Variants in PPP1R9A observed in about 807,000 individuals in gnomAD.
PPP1R9A encodes neurabin-1.
In PPP1R9A, 59 loss-of-function variants were observed where a neutral mutation model predicts 141.9. The observed-to-expected ratio is 0.42, with a 90% CI of 0.34 to 0.52. PPP1R9A has a LOEUF of 0.52. Among genes scored for constraint, PPP1R9A ranks in the 20% least tolerant of loss-of-function variants. The pLI is 0.10. For synonymous variants in PPP1R9A, 500 were observed against 569.7 expected, an observed-to-expected ratio of 0.88 and a Z score of 1.74; for missense variants, 1,444 against 1,611.9, an observed-to-expected ratio of 0.90 and a Z score of 1.78.
chr7:95,029,664 A>G (rs1807384063), intron 2 of PPP1R9A, among the ~76,000 whole-genome samples: 1 of 152,196 alleles, frequency 6.6e-6, no homozygotes, highest in Non-Finnish European at 1.5e-5. Context: ...ATATCATGCT[A>G]CTGCTGGAAT....
intron 12 of PPP1R9A, among the ~76,000 whole-genome samples, chr7:95,256,191 C>CA (rs369030873): frequency 0.019 from 2,570 of 135,238 alleles, 47 homozygotes; most frequent in Admixed American, 0.051. Context: ...GATCCTGTCT[C>CA]AAAAAAAAAA....
At chr7:95,191,436 A>G (rs1026541388) in intron 5 of PPP1R9A, among the ~76,000 whole-genome samples, 6 of 152,186 alleles carry the variant, frequency 3.9e-5, no homozygotes, top group South Asian at 2.1e-4. Flanking sequence ...TAGCATATCT[A>G]TGATCTCAAA....
chr7:94,940,795 C>T (rs1336716233), intron 2 of PPP1R9A, among the ~76,000 whole-genome samples: 1 of 151,902 alleles, frequency 6.6e-6, no homozygotes, highest in Admixed American at 6.6e-5. Context: ...TGGAAACAAT[C>T]TTATTTTATT....
intron 1 of PPP1R9A, among the ~76,000 whole-genome samples, chr7:94,909,656 GT>G (rs1296366553): frequency 6.7e-6 from 1 of 149,388 alleles, no homozygotes; most frequent in Non-Finnish European, 1.5e-5. Context: ...GTGTGTATGT[GT>G]TTGTGTGTGT....
At chr7:95,095,892 T>TA (rs1817947984) in intron 2 of PPP1R9A, among the ~76,000 whole-genome samples, 1 of 152,206 alleles carries the variant, frequency 6.6e-6, no homozygotes, top group South Asian at 2.1e-4. Flanking sequence ...TCCCACCATG[T>TA]GATGTCTGGC....
At chr7:95,124,430 A>G (rs995354315) in intron 4 of PPP1R9A, among the ~76,000 whole-genome samples, 1 of 152,242 alleles carries the variant, frequency 6.6e-6, no homozygotes, top group Non-Finnish European at 1.5e-5. Flanking sequence ...CCTAAAATTA[A>G]TATATACAAA....
chr7:95,025,943 T>C (rs1039655574), intron 2 of PPP1R9A, among the ~76,000 whole-genome samples: 1 of 152,240 alleles, frequency 6.6e-6, no homozygotes, highest in African/African-American at 2.4e-5. Context: ...TATGTTCTTC[T>C]CTAAACTGGT....
chr7:95,061,026 G>A (rs957654449), intron 2 of PPP1R9A, among the ~76,000 whole-genome samples: 2 of 152,214 alleles, frequency 1.3e-5, no homozygotes, highest in Admixed American at 6.5e-5. Context: ...GATATGGACT[G>A]TTGGTGGAGT....
chr7:95,056,100 A>G (rs897093161), intron 2 of PPP1R9A, among the ~76,000 whole-genome samples: 1 of 152,134 alleles, frequency 6.6e-6, no homozygotes, highest in Non-Finnish European at 1.5e-5. Flanking sequence ...ATATACTATT[A>G]GCAATATTAA....
intron 2 of PPP1R9A, among the ~76,000 whole-genome samples, chr7:94,938,780 G>A (rs1795031508): frequency 6.6e-6 from 1 of 152,160 alleles, no homozygotes; most frequent in African/African-American, 2.4e-5. Context: ...AGCTATCAGA[G>A]ATAGAATCAG....
chr7:94,919,900 T>C (rs1792574993), intron 2 of PPP1R9A, among the ~76,000 whole-genome samples: 1 of 152,196 alleles, frequency 6.6e-6, no homozygotes, highest in Non-Finnish European at 1.5e-5. Context: ...TTGAATTTCT[T>C]ACCTGTAATT....
chr7:95,101,942 G>A (rs1818849189), intron 2 of PPP1R9A, among the ~76,000 whole-genome samples: 3 of 152,092 alleles, frequency 2.0e-5, no homozygotes, highest in South Asian at 2.1e-4. Flanking sequence ...TGGTTGTTAA[G>A]GAGAGCATCC....
In PPP1R9A at chr7:95,073,143, A is replaced by C. The variant is rs182402218; in HGVS notation, c.1396-38116A>C. Among the ~76,000 whole-genome samples the C allele has an allele frequency of 6.8e-3, 1,013 of 149,898 alleles. 12 individuals carry two copies. The highest frequency in any genetic ancestry group is 0.024 in the African/African-American group (971 of 40,654). On this transcript the variant is annotated intron_variant, in intron 2 of 19. Coordinates refer to ENST00000433360, the MANE Select transcript of PPP1R9A (RefSeq NM_001166160.2). The stretch of plus-strand genomic sequence containing the variant: ...TGGGATTATAGGCATCCACCACCAC[A>C]CCCAGCTAATTTTTGTATTTTTTGT...
At chr7:95,272,730 T>A (rs1802404750) in intron 14 of PPP1R9A, among the ~76,000 whole-genome samples, 1 of 152,182 alleles carries the variant, frequency 6.6e-6, no homozygotes, top group Non-Finnish European at 1.5e-5. Context: ...CGATGTGTGT[T>A]GAGAAATTTC....
At chr7:94,925,242 A>G (rs1383829457) in intron 2 of PPP1R9A, among the ~76,000 whole-genome samples, 1 of 152,046 alleles carries the variant, frequency 6.6e-6, no homozygotes, top group Non-Finnish European at 1.5e-5. Context: ...CTGTTGTCCT[A>G]TTCAGGCCTT....
At chr7:95,164,717 C>G (rs1173529806) in intron 5 of PPP1R9A, among the ~76,000 whole-genome samples, 2 of 144,522 alleles carry the variant, frequency 1.4e-5, no homozygotes, top group African/African-American at 5.1e-5. Flanking sequence ...TTCCAGATTA[C>G]CATGGTTTTT....
At chr7:95,215,393 C>G (rs1793135504) in intron 7 of PPP1R9A, among the ~76,000 whole-genome samples, 1 of 152,040 alleles carries the variant, frequency 6.6e-6, no homozygotes, top group South Asian at 2.1e-4. Context: ...TGGGTTGGTT[C>G]CAAGTCCTTG....
intron 2 of PPP1R9A, among the ~76,000 whole-genome samples, chr7:95,065,808 A>G (rs747986679): frequency 6.6e-6 from 1 of 152,152 alleles, no homozygotes; most frequent in East Asian, 1.9e-4. Context: ...CACAATTTCA[A>G]TTTTTTTAAC....
At chr7:95,192,224 A>G (rs1353757392) in intron 5 of PPP1R9A, among the ~76,000 whole-genome samples, 1 of 151,838 alleles carries the variant, frequency 6.6e-6, no homozygotes, top group East Asian at 1.9e-4. Flanking sequence ...CTTTTTTTTC[A>G]TCATTTCATC....
Sources: gnomAD v4.1 joint callset for allele counts (sites outside exome capture counted in the v4.1 genomes callset) on GRCh38, gnomAD v4.1.1 for gene constraint, MANE v1.5 for transcripts, NCBI Gene and HGNC (gene_info 2026-07-23, HGNC 2026-07-21) for gene names.